PCDHGB3: variants seen among roughly 807,000 people sequenced by gnomAD.
PCDHGB3 encodes protocadherin gamma-B3.
Under a neutral mutation model 59.2 loss-of-function variants are expected in PCDHGB3, and 40 were observed. The observed-to-expected ratio is 0.68, with a 90% CI of 0.52 to 0.88. The LOEUF is 0.88. Among genes scored for constraint, PCDHGB3 ranks in the 40% least tolerant of loss-of-function variants. PCDHGB3 has a pLI of 0.00. For missense variants in PCDHGB3, 1,309 were observed against 1,187.9 expected (o/e 1.10, Z -1.50); for synonymous variants, 581 against 503.6 (o/e 1.15, Z -2.06).
chr5:141,417,230 T>C (rs2096097492), intron 1 of PCDHGB3: 1 of 152,210 alleles, frequency 6.6e-6, no homozygotes, highest in Non-Finnish European at 1.5e-5. Context: ...AAAAAATTTG[T>C]TGCTTATCTT....
At chr5:141,380,748 C>A (rs1776705964) in intron 1 of PCDHGB3, among the ~76,000 whole-genome samples, 1 of 151,948 alleles carries the variant, frequency 6.6e-6, no homozygotes, top group African/African-American at 2.4e-5. Flanking sequence ...AAGAAGGTAC[C>A]AAGACACTAT....
At chr5:141,393,736 A>G in intron 1 of PCDHGB3, 1 of 1,613,892 alleles carries the variant, frequency 6.2e-7, no homozygotes, top group Non-Finnish European at 8.5e-7. Flanking sequence ...AAAAGTCTAG[A>G]TTATGAAGAA....
intron 1 of PCDHGB3, among the ~76,000 whole-genome samples, chr5:141,452,579 A>G (rs1320327475): frequency 6.6e-6 from 1 of 151,944 alleles, no homozygotes; most frequent in Non-Finnish European, 1.5e-5. Context: ...CCCCCTTTCC[A>G]TCTTTGTATT....
At chr5:141,482,205 C>T (rs1478729653) in intron 1 of PCDHGB3, among the ~76,000 whole-genome samples, 1 of 151,896 alleles carries the variant, frequency 6.6e-6, no homozygotes, top group Non-Finnish European at 1.5e-5. Context: ...TAAAACAGAC[C>T]AGGTACTTGT....
intron 2 of PCDHGB3, among the ~76,000 whole-genome samples, chr5:141,501,506 G>A (rs770097282): frequency 1.3e-5 from 2 of 151,864 alleles, no homozygotes; most frequent in Non-Finnish European, 2.9e-5. Context: ...GGGGCTCCAA[G>A]GCCTCCAAGC....
At chr5:141,395,085 T>C (rs2093165281) in intron 1 of PCDHGB3, 1 of 1,614,026 alleles carries the variant, frequency 6.2e-7, no homozygotes, top group South Asian at 1.1e-5. Flanking sequence ...CCAGGAAGTC[T>C]CCCTCACCGC....
chr5:141,393,447 C>G, intron 1 of PCDHGB3: 1 of 1,614,052 alleles, frequency 6.2e-7, no homozygotes. Flanking sequence ...CCACCTGGTC[C>G]TCACGGCCTC....
chr5:141,489,915 C>T lies in PCDHGB3; in HGVS notation c.2416-4892C>T, dbSNP rs971312502. On this transcript the variant is annotated intron_variant, in intron 1 of 3. Coordinates refer to ENST00000576222, the MANE Select transcript of PCDHGB3 (RefSeq NM_018924.5). This position sits in a 1 kb window ranked among gnomAD's most constrained non-coding sequence, Gnocchi z 4.5. ...GGGGGACCCCAGCCCGCTCAGGGAC[C>T]ACCCTTATCTCTGTCATCGTGCTGG... The T allele has an allele frequency of 6.2e-7, 1 of 1,614,242 alleles. No individual in the cohort carries two copies. Among genetic ancestry groups the T allele is most frequent in the Non-Finnish European group, 8.5e-7 (1 of 1,180,044 alleles).
chr5:141,399,091 G>A (rs1299050213), intron 1 of PCDHGB3: 2 of 1,613,762 alleles, frequency 1.2e-6, no homozygotes, highest in South Asian at 1.1e-5. Context: ...GGATGGTGGT[G>A]GACTGGTTGC....
At chr5:141,400,017 C>T in intron 1 of PCDHGB3, 1 of 1,612,778 alleles carries the variant, frequency 6.2e-7, no homozygotes. Context: ...CCTTGGGCGA[C>T]AGGGACGCGG....
At position 141,422,880 on chromosome 5, in the gene PCDHGB3, G is replaced by C. The variant is rs970045921; in HGVS notation, c.2415+50071G>C. The C allele has an allele frequency of 7.4e-6, 12 of 1,614,140 alleles. No individual in the cohort carries two copies. In the Admixed American group the frequency reaches 2.0e-4, roughly 27 times the overall value. ...TCAGCAGCAACGTGTCGCTGAGCCT[G>C]TTCGTGCTGGACCAGAACGACAATG... On this transcript the variant is annotated intron_variant, in intron 1 of 3. Coordinates refer to ENST00000576222, the MANE Select transcript of PCDHGB3 (RefSeq NM_018924.5).
At chr5:141,392,877 A>G in intron 1 of PCDHGB3, 2 of 1,613,506 alleles carry the variant, frequency 1.2e-6, no homozygotes, top group Non-Finnish European at 1.7e-6. Context: ...GCTGCTGGGA[A>G]CGCTGTGGGA....
chr5:141,374,760 C>A, intron 1 of PCDHGB3: 1 of 1,613,440 alleles, frequency 6.2e-7, no homozygotes, highest in Non-Finnish European at 8.5e-7. Flanking sequence ...TCAAGCGTCG[C>A]CCAAATTCTG....
At chr5:141,422,201 G>A in intron 1 of PCDHGB3, 1 of 1,562,386 alleles carries the variant, frequency 6.4e-7, no homozygotes, top group Non-Finnish European at 8.6e-7. Context: ...GGCCAAGATG[G>A]TGGAGGTCTC....
intron 1 of PCDHGB3, chr5:141,400,506 G>A (rs771674964): frequency 3.7e-6 from 6 of 1,613,830 alleles, no homozygotes; most frequent in Non-Finnish European, 5.1e-6. Context: ...CCAGCGAGTC[G>A]ACTTCCCATC....
chr5:141,494,142 A>G (rs2099752161), intron 1 of PCDHGB3, among the ~76,000 whole-genome samples: 1 of 152,090 alleles, frequency 6.6e-6, no homozygotes, highest in South Asian at 2.1e-4. Context: ...TTAGTCACAG[A>G]CCATTGTCTG....
chr5:141,419,981 A>C, intron 1 of PCDHGB3: 2 of 1,614,052 alleles, frequency 1.2e-6, no homozygotes, highest in Non-Finnish European at 1.7e-6. Context: ...CCTCGCGGTG[A>C]TTCTAGCTAT....
chr5:141,507,504 C>T (rs1443873775), intron 3 of PCDHGB3, among the ~76,000 whole-genome samples: 1 of 152,138 alleles, frequency 6.6e-6, no homozygotes, highest in Admixed American at 6.5e-5. Flanking sequence ...TGTCCCAGGT[C>T]TGGTGGGGCT....
chr5:141,479,679 T>A (rs1211872684), intron 1 of PCDHGB3: 1 of 152,258 alleles, frequency 6.6e-6, no homozygotes, highest in East Asian at 1.9e-4. Flanking sequence ...AAGGAGAGTC[T>A]TTTTGGTGCC....
Sources: allele counts gnomAD v4.1 joint callset (sites outside exome capture counted in the v4.1 genomes callset), GRCh38; gene constraint gnomAD v4.1.1; non-coding constraint Gnocchi (gnomAD v3.1); transcripts MANE v1.5; gene names NCBI Gene and HGNC (gene_info 2026-07-23, HGNC 2026-07-21).